Variants in LARGE1 observed in about 807,000 individuals in gnomAD.
The protein encoded by LARGE1 is xylosyl- and glucuronyltransferase LARGE1.
In LARGE1, 43 loss-of-function variants were observed where a neutral mutation model predicts 87.6. The ratio of observed to expected loss-of-function variants is 0.49; its 90% CI spans 0.38 to 0.63. The LOEUF (loss-of-function observed/expected upper bound fraction) is 0.63, where lower values mean the gene tolerates loss of function less well. LARGE1 is among the 30% of genes least tolerant of loss of function. The pLI is 0.00. For synonymous variants in LARGE1, 434 were observed against 394.6 expected, an observed-to-expected ratio of 1.10 and a Z score of -1.18; for missense variants, 802 against 1,000.2, an observed-to-expected ratio of 0.80 and a Z score of 2.67.
chr22:33,550,638 A>G (rs2077498564), intron 6 of LARGE1, among the ~76,000 whole-genome samples: 3 of 152,202 alleles, frequency 2.0e-5, no homozygotes, highest in Admixed American at 1.3e-4. Context: ...CAGTATGGAG[A>G]GTTCTCAAAA....
chr22:33,672,210 C>T (rs1199371862), intron 2 of LARGE1, among the ~76,000 whole-genome samples: 1 of 152,190 alleles, frequency 6.6e-6, no homozygotes, highest in Non-Finnish European at 1.5e-5. Context: ...CCACGTGTCT[C>T]TCACGCTCTT....
At chr22:33,719,681 T>C (rs1432225464) in intron 2 of LARGE1, among the ~76,000 whole-genome samples, 1 of 151,988 alleles carries the variant, frequency 6.6e-6, no homozygotes, top group Non-Finnish European at 1.5e-5. Context: ...CCACAACGCC[T>C]GGCTAATTTT....
chr22:33,846,291 C>G (rs1461388208), intron 1 of LARGE1, among the ~76,000 whole-genome samples: 1 of 152,238 alleles, frequency 6.6e-6, no homozygotes, highest in Non-Finnish European at 1.5e-5. Context: ...CCTGTCTTTA[C>G]TGCAATCTCT....
chr22:33,635,298 T>C (rs1174494499), intron 3 of LARGE1, among the ~76,000 whole-genome samples: 1 of 152,078 alleles, frequency 6.6e-6, no homozygotes, highest in African/African-American at 2.4e-5. Context: ...AAACATGATA[T>C]CAACTGCATG....
intron 6 of LARGE1, among the ~76,000 whole-genome samples, chr22:33,484,911 GTT>G (rs545498648): frequency 3.8e-5 from 5 of 130,314 alleles, no homozygotes; most frequent in Admixed American, 7.7e-5. Flanking sequence ...TAATGAGGTG[GTT>G]TTTTTTTTTT....
chr22:33,441,378 T>C (rs942297765), intron 6 of LARGE1, among the ~76,000 whole-genome samples: 1 of 152,018 alleles, frequency 6.6e-6, no homozygotes, highest in Non-Finnish European at 1.5e-5. Flanking sequence ...CCAGCCTCTT[T>C]GAACTTTAAT....
At chr22:33,338,939 G>A (rs1263447499) in intron 9 of LARGE1, among the ~76,000 whole-genome samples, 1 of 152,126 alleles carries the variant, frequency 6.6e-6, no homozygotes, top group Non-Finnish European at 1.5e-5. Flanking sequence ...CCTGAGGTCA[G>A]GAGTTCAAGA....
intron 1 of LARGE1, among the ~76,000 whole-genome samples, chr22:33,829,014 T>TC (rs201991754): frequency 3.5e-5 from 5 of 142,112 alleles, no homozygotes; most frequent in African/African-American, 1.1e-4. Context: ...TTCTTTTTTT[T>TC]TTTTTTTTTT....
intron 11 of LARGE1, among the ~76,000 whole-genome samples, chr22:33,208,256 A>G (rs1163512517): frequency 6.6e-6 from 1 of 152,210 alleles, no homozygotes; most frequent in African/African-American, 2.4e-5. Context: ...TGAAAATCGT[A>G]TAGGCCACAT....
At chr22:33,872,226 T>A (rs950784037) in intron 1 of LARGE1, among the ~76,000 whole-genome samples, 5 of 151,982 alleles carry the variant, frequency 3.3e-5, no homozygotes, top group Admixed American at 2.0e-4. Flanking sequence ...GACTCTGACG[T>A]GACACTGCCT....
At chr22:33,161,595 G>T (rs1282450963), downstream of LARGE1, among the ~76,000 whole-genome samples, 2 of 152,180 alleles carry the variant, frequency 1.3e-5, no homozygotes, top group African/African-American at 4.8e-5. Context: ...AGGGTTACAG[G>T]CCCCATTGCA....
At chr22:33,782,462 T>C (rs1468137135) in intron 1 of LARGE1, among the ~76,000 whole-genome samples, 1 of 152,218 alleles carries the variant, frequency 6.6e-6, no homozygotes, top group East Asian at 1.9e-4. Context: ...GTACATTATA[T>C]GAATTGTACA....
intron 6 of LARGE1, among the ~76,000 whole-genome samples, chr22:33,495,651 G>A (rs5994757): frequency 0.016 from 2,484 of 151,662 alleles, 77 homozygotes; most frequent in African/African-American, 0.057. Context: ...CCTGGGAGGC[G>A]GAGGTTGCAG....
chr22:33,104,925 T>TTCTTTCTTTCTCTTTCTCTCTTTCTC, the LARGE1 span, among the ~76,000 whole-genome samples: 68 of 118,438 alleles, frequency 5.7e-4, no homozygotes, highest in Admixed American at 3.9e-3. Flanking sequence ...CTTTCTTTCT[T>TTCTTTCTTTCTCTTTCTCTCTTTCTC]TCTTTCTTTC....
At chr22:33,445,969 T>C (rs1249551192) in intron 6 of LARGE1, among the ~76,000 whole-genome samples, 1 of 152,174 alleles carries the variant, frequency 6.6e-6, no homozygotes, top group Non-Finnish European at 1.5e-5. Context: ...CCACTCTTAC[T>C]AGGCCCCTAG....
At chr22:33,387,024 A>C (rs2065347045) in intron 7 of LARGE1, among the ~76,000 whole-genome samples, 1 of 148,668 alleles carries the variant, frequency 6.7e-6, no homozygotes, top group South Asian at 2.4e-4. Flanking sequence ...GAAGTGCTTG[A>C]ATCCAGGAGG....
intron 4 of LARGE1, among the ~76,000 whole-genome samples, chr22:33,608,764 C>T (rs375780998): frequency 3.3e-5 from 5 of 152,146 alleles, no homozygotes; most frequent in African/African-American, 1.2e-4. Context: ...TTCCAGAATG[C>T]CTGGCTTGGC....
At chr22:33,913,099 T>C (rs928588354) in intron 1 of LARGE1, among the ~76,000 whole-genome samples, 1 of 152,200 alleles carries the variant, frequency 6.6e-6, no homozygotes. Context: ...CCCAAAATTC[T>C]GGGATTACAG....
chr22:33,335,660 C>G (rs750366366), intron 10 of LARGE1, among the ~76,000 whole-genome samples: 2 of 152,180 alleles, frequency 1.3e-5, no homozygotes, highest in Non-Finnish European at 2.9e-5. Flanking sequence ...CCTGAGCCCT[C>G]CCTCCCCACT....
Sources: gnomAD v4.1 joint callset for allele counts (sites outside exome capture counted in the v4.1 genomes callset) on GRCh38, gnomAD v4.1.1 for gene constraint, MANE v1.5 for transcripts, NCBI Gene and HGNC (gene_info 2026-07-23, HGNC 2026-07-21) for gene names.